The following TENT4A variants were observed in gnomAD, a reference collection of about 807,000 sequenced individuals.
The protein encoded by TENT4A is DNA polymerase kappa.
Under a neutral mutation model 72.8 loss-of-function variants are expected in TENT4A, and 7 were observed. The observed-to-expected ratio is 0.10, with a 90% CI of 0.05 to 0.18. TENT4A has a LOEUF of 0.18. Ranked by LOEUF, TENT4A falls within the 10% of genes least tolerant of loss-of-function variation. The pLI is 1.00. For missense variants in TENT4A, 831 were observed against 1,017.7 expected, an observed-to-expected ratio of 0.82 and a Z score of 2.50; for synonymous variants, 456 against 434.3, an observed-to-expected ratio of 1.05 and a Z score of -0.62.
At chr5:6,743,353 C>T (rs1741920983) in intron 5 of TENT4A, among the ~76,000 whole-genome samples, 1 of 152,180 alleles carries the variant, frequency 6.6e-6, no homozygotes, top group Non-Finnish European at 1.5e-5. Flanking sequence ...CCTCACTCTG[C>T]TCTCCTGCTC....
At chr5:6,750,968 A>G in intron 10 of TENT4A, 71 bp from the exon 11 acceptor site, 2 of 1,524,522 alleles carry the variant, frequency 1.3e-6, no homozygotes, top group South Asian at 1.2e-5. Context: ...GTTTCTTTTC[A>G]TAGCTTTAAG....
chr5:6,749,643 C>A lies in TENT4A; in HGVS notation c.1673C>A (p.Pro558Gln). 1 of 1,610,580 alleles carries A rather than the reference C, an allele frequency of 6.2e-7. No homozygotes were observed. The highest frequency in any genetic ancestry group is 2.2e-5 in the East Asian group (1 of 44,850). Residue 558 changes from proline to glutamine, a missense_variant, in exon 9 of 13, where the codon CCG (proline) becomes CAG (glutamine). Physicochemically the swap from Pro to Gln is moderately conservative, Grantham distance 76. Around this residue, in one of 3 missense-constraint regions of TENT4A, gnomAD observed 332 missense variants for 324.3 expected, o/e 1.02. Coordinates refer to ENST00000230859, the MANE Select transcript of TENT4A (RefSeq NM_006999.6). The stretch of plus-strand genomic sequence containing the variant: ...GAGAAGTGGGGCAGCAAAGCCCACC[C>A]GTCGCCAGGCATGGGTGAGAGATTA... ...IKEKWGSKAHPSPGMDSRIKI... is the reference protein window; with the variant it reads ...IKEKWGSKAHQSPGMDSRIKI...
At position 6,750,473 on chromosome 5, in the gene TENT4A, T is replaced by C. The variant is rs1275275623; in HGVS notation, c.1830T>C (p.Ser610=). The C allele has an allele frequency of 5.0e-6, 8 of 1,604,588 alleles. No homozygotes were observed. The highest frequency in any genetic ancestry group is 1.1e-5 in the South Asian group (1 of 90,004). ...PQLLSSGSSA[S]SVSSLSGSDV... ...TCCTGTCTTCAGGCTCCTCGGCCTC[T>C]TCTGTGTCTTCACTTTCTGGGAGTG... is the stretch of plus-strand genomic sequence containing the variant. The change falls in exon 10 of 13, where the codon TCT becomes TCC. Residue 610 remains serine (S), a synonymous_variant. Transcript: ENST00000230859.
intron 4 of TENT4A, among the ~76,000 whole-genome samples, chr5:6,740,356 C>G (rs1741736022): frequency 6.6e-6 from 1 of 152,182 alleles, no homozygotes; most frequent in Non-Finnish European, 1.5e-5. Flanking sequence ...GAGACTGTTT[C>G]TGGTGTGTAC....
intron 5 of TENT4A, among the ~76,000 whole-genome samples, chr5:6,743,371 C>T (rs1236866214): frequency 6.6e-6 from 1 of 152,176 alleles, no homozygotes; most frequent in African/African-American, 2.4e-5. Flanking sequence ...CTCCGGAGGC[C>T]CCCACTGTCC....
chr5:6,748,394 T>G, intron 7 of TENT4A, 70 bp from the exon 8 acceptor site: 4 of 1,587,984 alleles, frequency 2.5e-6, no homozygotes, highest in Non-Finnish European at 3.4e-6. Context: ...GTCACTTGTA[T>G]GAGAAGATCC....
In TENT4A at chr5:6,716,670, C is replaced by G. The variant is rs1235532632; in HGVS notation, c.716+1971C>G. On this transcript the variant is annotated intron_variant, in intron 1 of 12. Coordinates refer to ENST00000230859, the MANE Select transcript of TENT4A (RefSeq NM_006999.6). ...TTAAAGACTAAAGCCTAAAACTCAG[C>G]AACACCTCCAGGGCTCTGCTGCTCA... Among the ~76,000 whole-genome samples, 3 of 152,160 alleles carry G rather than the reference C, an allele frequency of 2.0e-5. No homozygotes were observed. The East Asian group carries it at 5.8e-4, about 29-fold the overall frequency.
At chr5:6,738,814 T>A in intron 3 of TENT4A, 85 bp downstream of exon 3, 1 of 999,034 alleles carries the variant, frequency 1.0e-6, no homozygotes, top group Non-Finnish European at 1.6e-6. Context: ...AGATTCTTTG[T>A]AATTGAGTCT....
At position 6,738,614 on chromosome 5, in the gene TENT4A, T is replaced by G. The variant is rs1442778210; in HGVS notation, c.841-69T>G. On this transcript the variant is annotated intron_variant, in intron 2 of 12. Transcript: ENST00000230859. ...GGGTATAGTGAGGGCTTTCTTTTAG[T>G]AAGAAATAATGGTAGTGTGACTGCT... 6.1e-6 allele frequency: 7 copies of G among 1,156,166 alleles called. No individual in the cohort carries two copies. The East Asian group carries it at 1.6e-4, about 27-fold the overall frequency. The allele number at this position is 1,156,166 out of a possible 1,614,324, so 71.6% of individuals were successfully genotyped here. A position where few individuals can be genotyped will look rare whatever the true frequency, so the allele number is the denominator to read the frequency against.
At position 6,745,185 on chromosome 5, in the gene TENT4A, A is replaced by G. The variant is rs115593321; in HGVS notation, c.1246-1029A>G. Reference sequence around the variant, plus strand: ...TGTGATTTTGGCTAAAAGACAAGGAATAAGGAAGGGAATAAAGGTCAGGCC... The same window carrying G: ...TGTGATTTTGGCTAAAAGACAAGGAGTAAGGAAGGGAATAAAGGTCAGGCC... On this transcript the variant is annotated intron_variant, in intron 6 of 12. Coordinates refer to ENST00000230859, the MANE Select transcript of TENT4A (RefSeq NM_006999.6). 3.2e-3 allele frequency among the ~76,000 whole-genome samples: 490 copies of G among 152,332 alleles called. 2 individuals carry two copies. Among genetic ancestry groups the G allele is most frequent in the African/African-American group, 0.011 (465 of 41,590 alleles).
chr5:6,749,648 C>A lies in TENT4A; in HGVS notation c.1678C>A (p.Pro560Thr). The change falls in exon 9 of 13, where the codon CCA (proline) becomes ACA (threonine). Residue 560 changes from proline to threonine, a missense_variant. Physicochemically the swap from Pro to Thr is conservative, Grantham distance 38. Coordinates refer to ENST00000230859, the MANE Select transcript of TENT4A (RefSeq NM_006999.6). ...EKWGSKAHPS[P>T]GMDSRIKIKE... ...GTGGGGCAGCAAAGCCCACCCGTCG[C>A]CAGGCATGGGTGAGAGATTAATTCA... is the stretch of plus-strand genomic sequence containing the variant. 5 of 1,609,416 alleles carry A rather than the reference C, an allele frequency of 3.1e-6. No homozygotes were observed. The highest frequency in any genetic ancestry group is 4.3e-6 in the Non-Finnish European group (5 of 1,175,736).
At chr5:6,719,755 T>C (rs1472452923) in intron 1 of TENT4A, among the ~76,000 whole-genome samples, 8 of 152,250 alleles carry the variant, frequency 5.3e-5, no homozygotes, top group Non-Finnish European at 1.0e-4. Context: ...GGATGCACAC[T>C]CGTCAGCATC....
chr5:6,751,395 G>T (rs1366693750), intron 11 of TENT4A, 198 bp downstream of exon 11: 4 of 590,612 alleles, frequency 6.8e-6, no homozygotes, highest in Non-Finnish European at 1.2e-5. Context: ...CAGCAGCGAG[G>T]ACACTGTGGT....
chr5:6,723,065 G>C (rs1443618165), intron 1 of TENT4A, among the ~76,000 whole-genome samples: 1 of 152,192 alleles, frequency 6.6e-6, no homozygotes, highest in African/African-American at 2.4e-5. Flanking sequence ...AACAGTGTTT[G>C]ATTCAGTAAC....
chr5:6,752,758 C>A, intron 11 of TENT4A, 115 bp from the exon 12 acceptor site: 2 of 799,972 alleles, frequency 2.5e-6, no homozygotes, highest in Non-Finnish European at 4.2e-6. Context: ...CTCTATGGAG[C>A]CCACATGCAA....
intron 7 of TENT4A, among the ~76,000 whole-genome samples, chr5:6,746,662 T>C (rs1462242280): frequency 1.3e-5 from 2 of 152,226 alleles, no homozygotes; most frequent in African/African-American, 4.8e-5. Flanking sequence ...TTAAGGAAAA[T>C]CTTTTCTTTT....
chr5:6,739,279 G>A (rs1030241147), intron 3 of TENT4A, among the ~76,000 whole-genome samples: 2 of 152,120 alleles, frequency 1.3e-5, no homozygotes, highest in African/African-American at 2.4e-5. Flanking sequence ...TTTGGAGGCC[G>A]AAGAGGCTAT....
chr5:6,718,546 T>A (rs1472802076), intron 1 of TENT4A, among the ~76,000 whole-genome samples: 5 of 152,210 alleles, frequency 3.3e-5, no homozygotes, highest in Non-Finnish European at 7.3e-5. Context: ...CTTTCTGAGT[T>A]TCACTCTCCG....
chr5:6,746,151 C>T (rs558339199), intron 6 of TENT4A, 63 bp from the exon 7 acceptor site: 52 of 1,611,830 alleles, frequency 3.2e-5, no homozygotes, highest in South Asian at 3.0e-4. Context: ...GACTTCGTCG[C>T]GTGCTATTTT....
Sources: allele counts gnomAD v4.1 joint callset (sites outside exome capture counted in the v4.1 genomes callset), GRCh38; gene constraint gnomAD v4.1.1; regional missense constraint gnomAD v4.1.1; transcripts MANE v1.5; gene names NCBI Gene and HGNC (gene_info 2026-07-23, HGNC 2026-07-21).